The following CEP72 variants were observed in gnomAD, a reference collection of about 807,000 sequenced individuals.
The protein encoded by CEP72 is centrosomal protein 72, also known as centrosomal protein of 72 kDa.
In CEP72, 78 loss-of-function variants were observed where a neutral mutation model predicts 65.7. The ratio of observed to expected loss-of-function variants is 1.19; its 90% confidence interval spans 0.99 to 1.43. The LOEUF (loss-of-function observed/expected upper bound fraction) is 1.43. Ranked by LOEUF, CEP72 falls within the 40% of genes most tolerant of loss-of-function variation. The pLI, the probability that CEP72 is intolerant of heterozygous loss-of-function variation, is 0.00. For missense variants in CEP72, 914 were observed against 832.9 expected, an observed-to-expected ratio of 1.10 and a Z score of -1.20; for synonymous variants, 358 against 351.7, an observed-to-expected ratio of 1.02 and a Z score of -0.20.
intron 8 of CEP72, 123 bp from the exon 9 acceptor site, chr5:640,285 C>A: frequency 7.4e-7 from 1 of 1,345,034 alleles, no homozygotes; most frequent in Non-Finnish European, 1.0e-6. Context: ...CCCCTTTCCC[C>A]TCTCCCTACC....
At chr5:659,963 C>T (rs1001785863), downstream of CEP72, 1 of 152,374 alleles carries the variant, frequency 6.6e-6, no homozygotes, top group African/African-American at 2.4e-5. Flanking sequence ...AGCTGTTTCA[C>T]TACAGGTTTG....
At chr5:628,033 G>C (rs1259923545) in intron 4 of CEP72, among the ~76,000 whole-genome samples, 1 of 152,224 alleles carries the variant, frequency 6.6e-6, no homozygotes, top group East Asian at 1.9e-4. Flanking sequence ...CTGCACGTAA[G>C]ATTACTCTTT....
At chr5:614,795 G>A (rs947829328) in intron 1 of CEP72, among the ~76,000 whole-genome samples, 1 of 152,176 alleles carries the variant, frequency 6.6e-6, no homozygotes, top group Non-Finnish European at 1.5e-5. Flanking sequence ...GTCAGGGTTT[G>A]TTTTATGATC....
chr5:619,859 A>G (rs1250206652), intron 2 of CEP72, among the ~76,000 whole-genome samples: 1 of 152,038 alleles, frequency 6.6e-6, no homozygotes, highest in Non-Finnish European at 1.5e-5. Flanking sequence ...GTTGCGTCAC[A>G]TGTGGGTTCC....
the CEP72 span, among the ~76,000 whole-genome samples, chr5:674,745 G>T: frequency 4.0e-5 from 6 of 151,806 alleles, no homozygotes; most frequent in Non-Finnish European, 7.4e-5. Context: ...GGGATGGCAG[G>T]CTGGTCTGTC....
chr5:667,622 G>A (rs1011610066), downstream of CEP72, among the ~76,000 whole-genome samples: 1 of 152,168 alleles, frequency 6.6e-6, no homozygotes, highest in Non-Finnish European at 1.5e-5. Context: ...GGAATGAGAA[G>A]ACAAGCCACA....
rs768133540 is a variant in CEP72, at chr5:633,993, G to A, written c.691+46G>A. 2.5e-6 allele frequency: 4 copies of A among 1,579,696 alleles called. No homozygotes were observed. In the East Asian group the frequency reaches 6.7e-5, roughly 27 times the overall value. ...GAGGCCAGTGGGTCCGCTGGCTCTG[G>A]GATATATATAGTCGTTACTGGGCTT... On this transcript the variant is annotated intron_variant, in intron 5 of 11. Coordinates refer to ENST00000264935, the MANE Select transcript of CEP72 (RefSeq NM_018140.4).
Position 624,218 on chromosome 5 carries a change from G to T in CEP72, c.404-253G>T, listed in dbSNP as rs1194686910. Among the ~76,000 whole-genome samples the T allele has an allele frequency of 6.6e-6, 1 of 152,248 alleles. No homozygotes were observed. The highest frequency in any genetic ancestry group is 6.5e-5 in the Admixed American group (1 of 15,280). On this transcript the variant is annotated intron_variant, in intron 3 of 11. Coordinates refer to ENST00000264935, the MANE Select transcript of CEP72 (RefSeq NM_018140.4). This position sits in a 1 kb window ranked among gnomAD's most constrained non-coding sequence, Gnocchi z 4.7. ...CTTTAGAGAAAGGGTGTGCGTGTGT[G>T]TGTGTGAGCCTCATCTGTGTGCGGC... is the stretch of plus-strand genomic sequence containing the variant.
intron 6 of CEP72, among the ~76,000 whole-genome samples, chr5:636,521 C>T (rs775418134): frequency 4.6e-5 from 7 of 152,176 alleles, no homozygotes; most frequent in African/African-American, 9.7e-5. Context: ...AACCTCCTGC[C>T]GTGAGCAGGC....
downstream of CEP72, among the ~76,000 whole-genome samples, chr5:669,101 C>G (rs777402428): frequency 6.6e-6 from 1 of 152,362 alleles, no homozygotes; most frequent in Admixed American, 6.5e-5. Flanking sequence ...CAGACCCTCA[C>G]GCCTCATGGG....
At chr5:672,083 C>G (rs900143265), downstream of CEP72, among the ~76,000 whole-genome samples, 1 of 152,246 alleles carries the variant, frequency 6.6e-6, no homozygotes, top group African/African-American at 2.4e-5. Context: ...TCTCTCCAAA[C>G]CTGGGTCCTG....
rs1010776354 is a variant in CEP72 at position 623,862 on chromosome 5, C to T, written c.404-609C>T. On this transcript the variant is annotated intron_variant, in intron 3 of 11. Coordinates refer to ENST00000264935, the MANE Select transcript of CEP72 (RefSeq NM_018140.4). The surrounding 1 kb of genome is among the most constrained non-coding windows in gnomAD (Gnocchi z 5.3). The stretch of plus-strand genomic sequence containing the variant: ...TACAGTGATTCTGTAGTTTTTGGGG[C>T]GTGCTGTAGGCTAAATGGAGGCAGC... 6.6e-6 allele frequency among the ~76,000 whole-genome samples: 1 copy of T among 152,084 alleles called. No homozygotes were observed. The highest frequency in any genetic ancestry group is 1.9e-4 in the East Asian group (1 of 5,186).
At chr5:664,059 T>TG (rs1410964648) in intron 2 of CEP72, 2 of 152,476 alleles carry the variant, frequency 1.3e-5, no homozygotes, top group African/African-American at 4.8e-5. Flanking sequence ...ACTGCAGGAC[T>TG]GGGGGTCCTC....
downstream of CEP72, among the ~76,000 whole-genome samples, chr5:659,202 C>T (rs553666174): frequency 6.6e-6 from 1 of 152,260 alleles, no homozygotes; most frequent in Non-Finnish European, 1.5e-5. Context: ...GTTCCTGGAG[C>T]GCGAGGCGCG....
At chr5:674,488 G>A in the CEP72 span, among the ~76,000 whole-genome samples, 105 of 151,978 alleles carry the variant, frequency 6.9e-4, no homozygotes, top group Non-Finnish European at 1.2e-3. Context: ...TCCCTCTCCC[G>A]GTCCGAGTGC....
chr5:665,942 C>A, exon 4 of CEP72: 1 of 1,395,362 alleles, frequency 7.2e-7, no homozygotes. Flanking sequence ...CCCCTCCAGG[C>A]CCCGCCTTCC....
downstream of CEP72, among the ~76,000 whole-genome samples, chr5:658,931 G>T (rs1005073849): frequency 1.3e-5 from 2 of 152,174 alleles, no homozygotes; most frequent in Non-Finnish European, 2.9e-5. Flanking sequence ...GCCTCCCAAA[G>T]TGCTGGGACT....
At chr5:674,683 C>T in the CEP72 span, among the ~76,000 whole-genome samples, 1 of 152,060 alleles carries the variant, frequency 6.6e-6, no homozygotes, top group East Asian at 1.9e-4. Context: ...GCCATCTACA[C>T]AGGCCCACAC....
rs780587856 is a variant in CEP72 at position 647,818 on chromosome 5, T to C, written c.1680T>C (p.Ser560=). The part of the protein sequence containing the change: ...LNLQIAGLQT[S]VKRLCGEIVE... ...TTTCTCTTTCAGGACTTCAAACAAG[T>C]GTGAAGAGGCTGTGTGGCGAGATTG... Residue 560 remains serine, a synonymous_variant, in exon 11 of 12, where the codon AGT becomes AGC. Coordinates refer to ENST00000264935, the MANE Select transcript of CEP72 (RefSeq NM_018140.4). 44 of 1,611,624 alleles carry C rather than the reference T, an allele frequency of 2.7e-5. No homozygotes were observed. The South Asian group carries it at 4.6e-4, about 17-fold the overall frequency.
Sources: allele counts gnomAD v4.1 joint callset (sites outside exome capture counted in the v4.1 genomes callset), GRCh38; gene constraint gnomAD v4.1.1; non-coding constraint Gnocchi (gnomAD v3.1); transcripts MANE v1.5; gene names NCBI Gene and HGNC (gene_info 2026-07-23, HGNC 2026-07-21).